The following EHBP1 variants were observed in gnomAD, a reference collection of about 807,000 sequenced individuals.
The protein encoded by EHBP1 is EH domain-binding protein 1.
In EHBP1, 55 loss-of-function variants were observed where a neutral mutation model predicts 144.0. That is an observed-to-expected ratio of 0.38 (90% confidence interval 0.31 to 0.48). The LOEUF (loss-of-function observed/expected upper bound fraction) is 0.48. Among genes scored for constraint, EHBP1 ranks in the 20% least tolerant of loss-of-function variants. The pLI, the probability that EHBP1 is intolerant of heterozygous loss-of-function variation, is 0.98. For synonymous variants in EHBP1, 469 were observed against 472.7 expected (o/e 0.99, Z 0.10); for missense variants, 1,200 against 1,364.2 (o/e 0.88, Z 1.90).
At chr2:62,905,897 A>G (rs1573995195) in intron 10 of EHBP1, among the ~76,000 whole-genome samples, 1 of 152,128 alleles carries the variant, frequency 6.6e-6, no homozygotes, top group Non-Finnish European at 1.5e-5. Flanking sequence ...ATAGAAACAA[A>G]TAGTCTGGGC....
chr2:62,770,338 T>C (rs189769224), intron 4 of EHBP1, among the ~76,000 whole-genome samples: 56 of 152,034 alleles, frequency 3.7e-4, no homozygotes, highest in Non-Finnish European at 7.8e-4. Flanking sequence ...AACAACCCCA[T>C]TAAAAAGTGG....
chr2:62,683,019 G>A (rs1013411749), intron 1 of EHBP1, among the ~76,000 whole-genome samples: 3 of 152,144 alleles, frequency 2.0e-5, no homozygotes, highest in African/African-American at 7.2e-5. Flanking sequence ...GATGCTTTCA[G>A]TTGCAAGCAG....
At chr2:62,954,077 T>G (rs1011651908) in intron 13 of EHBP1, among the ~76,000 whole-genome samples, 7 of 152,242 alleles carry the variant, frequency 4.6e-5, no homozygotes, top group Non-Finnish European at 1.0e-4. Flanking sequence ...AGAGTTGGTC[T>G]ATTTCTATCC....
intron 18 of EHBP1, among the ~76,000 whole-genome samples, chr2:62,996,329 G>A (rs934091203): frequency 2.6e-5 from 4 of 151,982 alleles, no homozygotes; most frequent in African/African-American, 9.7e-5. Flanking sequence ...CTTTGTCCAT[G>A]CTTAAATAAC....
chr2:62,944,242 G>A (rs1005103268), intron 12 of EHBP1, among the ~76,000 whole-genome samples: 3 of 152,152 alleles, frequency 2.0e-5, no homozygotes, highest in Non-Finnish European at 4.4e-5. Context: ...AGAATACTTA[G>A]GTTCTGAGAG....
chr2:62,933,256 C>T (rs2153046187), intron 10 of EHBP1, among the ~76,000 whole-genome samples: 1 of 151,504 alleles, frequency 6.6e-6, no homozygotes, highest in African/African-American at 2.4e-5. Context: ...TCATTTTTTC[C>T]AGGGTCTAAT....
chr2:63,021,604 C>T (rs909072334), intron 19 of EHBP1, among the ~76,000 whole-genome samples: 1 of 152,136 alleles, frequency 6.6e-6, no homozygotes, highest in African/African-American at 2.4e-5. Context: ...ACTTCATCCC[C>T]TAAGAAGATT....
intron 2 of EHBP1, among the ~76,000 whole-genome samples, chr2:62,725,750 A>G (rs1344471523): frequency 6.6e-6 from 1 of 152,158 alleles, no homozygotes; most frequent in Non-Finnish European, 1.5e-5. Flanking sequence ...CTGATGGAGC[A>G]AGGAAGCCAA....
At chr2:62,922,738 A>G (rs776541994) in intron 10 of EHBP1, among the ~76,000 whole-genome samples, 1 of 152,150 alleles carries the variant, frequency 6.6e-6, no homozygotes, top group Non-Finnish European at 1.5e-5. Context: ...AGAAACACCT[A>G]TGGTGATAGG....
chr2:62,765,738 A>G (rs1164688245), intron 4 of EHBP1, among the ~76,000 whole-genome samples: 3 of 152,170 alleles, frequency 2.0e-5, no homozygotes, highest in Non-Finnish European at 4.4e-5. Flanking sequence ...TTATTTTGAT[A>G]CTAACTGTGC....
At chr2:62,932,978 A>T (rs1221238713) in intron 10 of EHBP1, among the ~76,000 whole-genome samples, 1 of 150,948 alleles carries the variant, frequency 6.6e-6, no homozygotes, top group Non-Finnish European at 1.5e-5. Flanking sequence ...AAAGGTTAAG[A>T]TGGTAAATAT....
At chr2:63,022,733 A>G (rs1199043934) in intron 19 of EHBP1, among the ~76,000 whole-genome samples, 2 of 152,206 alleles carry the variant, frequency 1.3e-5, no homozygotes, top group African/African-American at 2.4e-5. Flanking sequence ...CTGAACTTAT[A>G]TAGTCATTGT....
chr2:62,838,603 T>C (rs1264636385), intron 7 of EHBP1, among the ~76,000 whole-genome samples: 1 of 149,060 alleles, frequency 6.7e-6, no homozygotes, highest in Non-Finnish European at 1.5e-5. Flanking sequence ...GCAAGACTAA[T>C]AAAGAAAAAA....
At chr2:62,690,639 GC>G (rs1346430652) in intron 1 of EHBP1, among the ~76,000 whole-genome samples, 1 of 152,044 alleles carries the variant, frequency 6.6e-6, no homozygotes, top group Non-Finnish European at 1.5e-5. Context: ...CACTTACAAA[GC>G]CACATAAGGC....
chr2:63,014,498 G>A (rs1362638138), intron 19 of EHBP1, among the ~76,000 whole-genome samples: 3 of 152,022 alleles, frequency 2.0e-5, no homozygotes, highest in African/African-American at 4.8e-5. Context: ...AAATATGTTC[G>A]TTGATAATAT....
At chr2:63,011,731 T>G (rs1340033060) in intron 19 of EHBP1, among the ~76,000 whole-genome samples, 1 of 152,010 alleles carries the variant, frequency 6.6e-6, no homozygotes, top group African/African-American at 2.4e-5. Context: ...AAGCTGGACT[T>G]AAACATTCCT....
intron 10 of EHBP1, among the ~76,000 whole-genome samples, chr2:62,919,759 A>C (rs996805225): frequency 6.6e-6 from 1 of 152,182 alleles, no homozygotes; most frequent in East Asian, 1.9e-4. Context: ...AGTACTGAAC[A>C]TATGGAGAGA....
chr2:62,879,149 T>C lies in EHBP1; in HGVS notation c.1185+4617T>C, dbSNP rs1383959573. Among the ~76,000 whole-genome samples the C allele has an allele frequency of 2.0e-5, 3 of 151,870 alleles. No homozygotes were observed. The East Asian group carries it at 5.8e-4, about 29-fold the overall frequency. ...ATTAAAGGAACATACCTCAAAATAA[T>C]AAGAGCCGTCTATGACAGTTCTGCA... On this transcript the variant is annotated intron_variant, in intron 10 of 22. Coordinates refer to ENST00000431489, the MANE Select transcript of EHBP1 (RefSeq NM_001142616.3).
intron 10 of EHBP1, among the ~76,000 whole-genome samples, chr2:62,887,054 A>G (rs1231886068): frequency 6.6e-6 from 1 of 152,172 alleles, no homozygotes; most frequent in East Asian, 1.9e-4. Context: ...CAGTAGTCTC[A>G]CAGTCATCAG....
Sources: allele counts gnomAD v4.1 joint callset (sites outside exome capture counted in the v4.1 genomes callset), GRCh38; gene constraint gnomAD v4.1.1; transcripts MANE v1.5; gene names NCBI Gene and HGNC (gene_info 2026-07-23, HGNC 2026-07-21).